Variants in AK7 observed in about 807,000 individuals in gnomAD.
AK7 encodes adenylate kinase 7, also known as ATP-AMP transphosphorylase 7.
Under a neutral mutation model 96.6 loss-of-function variants are expected in AK7, and 78 were observed. The ratio of observed to expected loss-of-function variants is 0.81; its 90% confidence interval spans 0.67 to 0.97. The LOEUF is 0.97. AK7 is among the 50% of genes least tolerant of loss of function. The pLI, the probability that AK7 is intolerant of heterozygous loss-of-function variation, is 0.00. For missense variants in AK7, 855 were observed against 887.9 expected, an observed-to-expected ratio of 0.96 and a Z score of 0.47; for synonymous variants, 302 against 317.2, an observed-to-expected ratio of 0.95 and a Z score of 0.51.
At chr14:96,476,970 G>A (rs1895221027) in intron 14 of AK7, among the ~76,000 whole-genome samples, 1 of 152,176 alleles carries the variant, frequency 6.6e-6, no homozygotes, top group Admixed American at 6.5e-5. Context: ...ACATCATAGA[G>A]CTTAAATGGA....
chr14:96,423,850 G>A (rs1361288885), intron 5 of AK7: 9 of 823,136 alleles, frequency 1.1e-5, no homozygotes, highest in Non-Finnish European at 1.9e-5. Context: ...TGCTGAGGAT[G>A]GGCTCGTCAC....
chr14:96,477,626 A>T (rs920863548), intron 14 of AK7, among the ~76,000 whole-genome samples: 1 of 152,260 alleles, frequency 6.6e-6, no homozygotes, highest in African/African-American at 2.4e-5. Context: ...CTGGAGGAAC[A>T]GCTGCTTTCA....
chr14:96,438,350 G>A (rs1210060283), intron 6 of AK7, among the ~76,000 whole-genome samples: 1 of 152,176 alleles, frequency 6.6e-6, no homozygotes, highest in African/African-American at 2.4e-5. Context: ...GGCAGAGAGT[G>A]CTGGGGAGTA....
chr14:96,413,386 G>A (rs925262349), intron 4 of AK7, among the ~76,000 whole-genome samples: 1 of 152,194 alleles, frequency 6.6e-6, no homozygotes, highest in Non-Finnish European at 1.5e-5. Context: ...TTTGGCCAGT[G>A]GGGCTCACTG....
At chr14:96,452,241 C>T (rs977724800) in intron 10 of AK7, among the ~76,000 whole-genome samples, 2 of 152,074 alleles carry the variant, frequency 1.3e-5, no homozygotes, top group African/African-American at 2.4e-5. Context: ...AACTCACACA[C>T]TTATCATTTT....
At chr14:96,445,393 C>T (rs1480635863) in intron 7 of AK7, among the ~76,000 whole-genome samples, 2 of 152,200 alleles carry the variant, frequency 1.3e-5, no homozygotes, top group African/African-American at 4.8e-5. Context: ...GGTGCAGTGG[C>T]TCATGCCTGT....
At chr14:96,398,351 C>G (rs115678716) in intron 2 of AK7, 88 bp downstream of exon 2, 1 of 1,364,564 alleles carries the variant, frequency 7.3e-7, no homozygotes, top group Non-Finnish European at 1.0e-6. Context: ...TACTGTTTGC[C>G]TCCCCTCCCC....
At chr14:96,469,575 T>C (rs894549496) in intron 12 of AK7, among the ~76,000 whole-genome samples, 1 of 152,190 alleles carries the variant, frequency 6.6e-6, no homozygotes, top group Non-Finnish European at 1.5e-5. Context: ...TTTAGAATAT[T>C]AGTGAATCCC....
chr14:96,402,747 C>G (rs747396707), intron 2 of AK7, among the ~76,000 whole-genome samples: 1 of 151,860 alleles, frequency 6.6e-6, no homozygotes, highest in Non-Finnish European at 1.5e-5. Flanking sequence ...CTCCCCCACC[C>G]CCAAGAGATA....
intron 5 of AK7, among the ~76,000 whole-genome samples, chr14:96,437,255 G>A (rs997640013): frequency 3.3e-5 from 5 of 150,862 alleles, no homozygotes; most frequent in Non-Finnish European, 1.5e-5. Flanking sequence ...TGAAGGGATG[G>A]ATACCCCATT....
intron 4 of AK7, among the ~76,000 whole-genome samples, chr14:96,415,105 G>A (rs773561550): frequency 6.6e-5 from 10 of 151,844 alleles, no homozygotes; most frequent in African/African-American, 1.2e-4. Flanking sequence ...AGAAATTTGA[G>A]GGGCTAAAAG....
chr14:96,461,470 C>G (rs1481047646), intron 12 of AK7, among the ~76,000 whole-genome samples: 1 of 152,130 alleles, frequency 6.6e-6, no homozygotes, highest in Non-Finnish European at 1.5e-5. Flanking sequence ...AAGCTTACAG[C>G]TGGGGTGTAA....
At position 96,451,576 on chromosome 14, in the gene AK7, T is replaced by C. The variant is rs773562419; in HGVS notation, c.1098+6T>C. 2.7e-6 allele frequency: 4 copies of C among 1,467,256 alleles called. No individual in the cohort carries two copies. The highest frequency in any genetic ancestry group is 3.6e-6 in the Non-Finnish European group (4 of 1,096,228). 90.9% of individuals were successfully genotyped at this position (1,467,256 alleles called of 1,614,324 possible). Reference sequence around the variant, plus strand: ...AGCAAAGCAGAGGATTGATGGTAACTATCACTGTTTCCCACTGAAACTTCT... The same window carrying C: ...AGCAAAGCAGAGGATTGATGGTAACCATCACTGTTTCCCACTGAAACTTCT... On this transcript the variant is annotated splice_donor_region_variant and intron_variant, in intron 10 of 17. Transcript: ENST00000267584.
chr14:96,473,314 G>T (rs943000371), intron 14 of AK7, among the ~76,000 whole-genome samples: 1 of 151,620 alleles, frequency 6.6e-6, no homozygotes, highest in South Asian at 2.1e-4. Context: ...GGGACTACAG[G>T]CGCCTACCAC....
intron 12 of AK7, among the ~76,000 whole-genome samples, chr14:96,470,333 A>G (rs1375585518): frequency 6.6e-6 from 1 of 152,098 alleles, no homozygotes; most frequent in Non-Finnish European, 1.5e-5. Flanking sequence ...AGGTAAAGGA[A>G]TAGTACAAAC....
chr14:96,443,253 A>G (rs1488741906), intron 7 of AK7, among the ~76,000 whole-genome samples: 3 of 152,236 alleles, frequency 2.0e-5, no homozygotes, highest in African/African-American at 7.2e-5. Context: ...TAAAGTTGAC[A>G]TATGTTTTTT....
intron 12 of AK7, among the ~76,000 whole-genome samples, chr14:96,458,449 T>A (rs1894061865): frequency 6.7e-6 from 1 of 148,166 alleles, no homozygotes; most frequent in Admixed American, 6.7e-5. Context: ...ATACAAAAAT[T>A]AGCTAGGCAT....
intron 12 of AK7, among the ~76,000 whole-genome samples, chr14:96,459,286 C>T (rs1894123754): frequency 6.6e-6 from 1 of 151,324 alleles, no homozygotes; most frequent in South Asian, 2.1e-4. Flanking sequence ...TGCAGTGAGC[C>T]GAGATCGTGC....
chr14:96,406,292 C>T (rs1317727148), intron 3 of AK7, among the ~76,000 whole-genome samples: 1 of 152,210 alleles, frequency 6.6e-6, no homozygotes, highest in East Asian at 1.9e-4. Context: ...TAACCACTGA[C>T]TTCCTGCTGT....
Sources: gnomAD v4.1 joint callset for allele counts (sites outside exome capture counted in the v4.1 genomes callset) on GRCh38, gnomAD v4.1.1 for gene constraint, MANE v1.5 for transcripts, NCBI Gene and HGNC (gene_info 2026-07-23, HGNC 2026-07-21) for gene names.